Variants in ANKRD10 observed in about 807,000 individuals in gnomAD.
ANKRD10 encodes the protein ankyrin repeat domain-containing protein 10.
In ANKRD10, 14 loss-of-function variants were observed where a neutral mutation model predicts 27.0. That is an observed-to-expected ratio of 0.52 (90% CI 0.34 to 0.81). The LOEUF (loss-of-function observed/expected upper bound fraction) is 0.81. Ranked by LOEUF, ANKRD10 falls within the 40% of genes least tolerant of loss-of-function variation. The pLI is 0.01. For missense variants in ANKRD10, 493 were observed against 544.0 expected (o/e 0.91, Z 0.93); for synonymous variants, 250 against 224.5 (o/e 1.11, Z -1.01).
chr13:110,880,823 G>GT (rs919462647), intron 5 of ANKRD10, among the ~76,000 whole-genome samples: 8 of 152,214 alleles, frequency 5.3e-5, no homozygotes, highest in Admixed American at 3.3e-4. Context: ...GCAAGGAACT[G>GT]TAACGGCCAA....
intron 4 of ANKRD10, among the ~76,000 whole-genome samples, chr13:110,889,768 C>A (rs2065027499): frequency 6.6e-6 from 1 of 152,100 alleles, no homozygotes; most frequent in Non-Finnish European, 1.5e-5. Flanking sequence ...GGTGACTTAG[C>A]CAGAAAACTT....
At chr13:110,891,552 A>AT (rs1458647766) in intron 4 of ANKRD10, among the ~76,000 whole-genome samples, 2 of 152,240 alleles carry the variant, frequency 1.3e-5, no homozygotes, top group African/African-American at 4.8e-5. Flanking sequence ...TGTGAAGTAC[A>AT]TAATACTGAC....
At chr13:110,901,804 G>C (rs1244965186) in intron 3 of ANKRD10, among the ~76,000 whole-genome samples, 2 of 152,162 alleles carry the variant, frequency 1.3e-5, no homozygotes, top group East Asian at 1.9e-4. Context: ...GCTCTGGGAG[G>C]CCAAGGTGGA....
At chr13:110,906,245 G>C in intron 2 of ANKRD10, 121 bp from the exon 3 acceptor site, 1 of 749,396 alleles carries the variant, frequency 1.3e-6, no homozygotes, top group Non-Finnish European at 2.1e-6. Context: ...AACATGTTGA[G>C]CAAGATCTGA....
chr13:110,891,642 T>C (rs927091806), intron 4 of ANKRD10, among the ~76,000 whole-genome samples: 7 of 152,192 alleles, frequency 4.6e-5, no homozygotes, highest in Non-Finnish European at 1.0e-4. Flanking sequence ...TGTTGGTTCA[T>C]GAAATTTAAC....
At chr13:110,890,181 C>A (rs924285455) in intron 4 of ANKRD10, among the ~76,000 whole-genome samples, 4 of 152,060 alleles carry the variant, frequency 2.6e-5, no homozygotes, top group Non-Finnish European at 5.9e-5. Flanking sequence ...AGCAACATAT[C>A]TTTAATTCAA....
chr13:110,893,284 G>GA (rs879351580), intron 3 of ANKRD10, 21 bp from the exon 4 acceptor site: 4 of 1,610,194 alleles, frequency 2.5e-6, no homozygotes, highest in Non-Finnish European at 3.4e-6. Flanking sequence ...CAAAAACACT[G>GA]AATTACACCC....
intron 4 of ANKRD10, among the ~76,000 whole-genome samples, chr13:110,891,871 CTTTTTTTTT>C (rs10553815): frequency 8.2e-6 from 1 of 121,242 alleles, no homozygotes. Flanking sequence ...CTTATTAAGA[CTTTTTTTTT>C]TTTTTTTTTT....
At chr13:110,889,382 G>GT (rs2065017261) in intron 4 of ANKRD10, among the ~76,000 whole-genome samples, 1 of 152,164 alleles carries the variant, frequency 6.6e-6, no homozygotes, top group South Asian at 2.1e-4. Context: ...GACTGCTTAA[G>GT]TAACTGTGGA....
At chr13:110,887,437 T>C (rs941210458) in intron 4 of ANKRD10, among the ~76,000 whole-genome samples, 4 of 152,172 alleles carry the variant, frequency 2.6e-5, no homozygotes, top group African/African-American at 4.8e-5. Flanking sequence ...GCACCACTCA[T>C]ACTGACACAC....
chr13:110,908,286 A>T (rs572092005), intron 2 of ANKRD10, among the ~76,000 whole-genome samples: 5 of 152,384 alleles, frequency 3.3e-5, no homozygotes, highest in African/African-American at 1.2e-4. Context: ...TAGAAGAGGC[A>T]TATGAAAGAG....
chr13:110,905,524 C>A (rs1318724481), intron 3 of ANKRD10, among the ~76,000 whole-genome samples: 1 of 152,184 alleles, frequency 6.6e-6, no homozygotes, highest in Non-Finnish European at 1.5e-5. Context: ...GAACTATCAA[C>A]CATTAAGTTA....
At chr13:110,913,129 C>A (rs1243446920) in intron 1 of ANKRD10, among the ~76,000 whole-genome samples, 3 of 152,210 alleles carry the variant, frequency 2.0e-5, no homozygotes, top group African/African-American at 7.2e-5. Context: ...GGAGGCACCA[C>A]TGGATTAAAT....
intron 5 of ANKRD10, among the ~76,000 whole-genome samples, chr13:110,882,308 T>C (rs1238590314): frequency 6.6e-6 from 1 of 152,228 alleles, no homozygotes; most frequent in Admixed American, 6.5e-5. Flanking sequence ...GGTCTGATTC[T>C]CAAAGGACTG....
chr13:110,911,046 A>G (rs2065687257), intron 1 of ANKRD10, among the ~76,000 whole-genome samples: 1 of 152,254 alleles, frequency 6.6e-6, no homozygotes, highest in Non-Finnish European at 1.5e-5. Flanking sequence ...CTACAATTGA[A>G]TAAGCCAAAA....
intron 1 of ANKRD10, 174 bp downstream of exon 1, chr13:110,914,551 G>C: frequency 1.1e-6 from 1 of 915,600 alleles, no homozygotes; most frequent in Non-Finnish European, 1.4e-6. Flanking sequence ...CCGCGACTCC[G>C]GGCCGCGAGC....
At chr13:110,909,612 A>G (rs2065636678) in intron 2 of ANKRD10, among the ~76,000 whole-genome samples, 1 of 152,182 alleles carries the variant, frequency 6.6e-6, no homozygotes, top group Non-Finnish European at 1.5e-5. Context: ...TCTACTTCAC[A>G]TCTTTTAAGG....
intron 4 of ANKRD10, chr13:110,892,770 G>A: frequency 8.5e-7 from 1 of 1,181,172 alleles, no homozygotes; most frequent in Non-Finnish European, 1.0e-6. Flanking sequence ...ATTCATGGCA[G>A]GTAAACATGG....
chr13:110,911,188 G>A (rs1429675611), intron 1 of ANKRD10, among the ~76,000 whole-genome samples: 1 of 152,182 alleles, frequency 6.6e-6, no homozygotes, highest in Non-Finnish European at 1.5e-5. Flanking sequence ...AGTGGCTCAT[G>A]CCTGTAATCC....
Sources: allele counts gnomAD v4.1 joint callset (sites outside exome capture counted in the v4.1 genomes callset), GRCh38; gene constraint gnomAD v4.1.1; transcripts MANE v1.5; gene names NCBI Gene and HGNC (gene_info 2026-07-23, HGNC 2026-07-21).